The following AADACL4 variants were observed in gnomAD, a reference collection of about 807,000 sequenced individuals.
AADACL4 encodes the protein arylacetamide deacetylase like 4.
A neutral mutation model predicts 14.1 loss-of-function variants in AADACL4; 9 were observed. The observed-to-expected ratio is 0.64, with a 90% CI of 0.39 to 1.12. The LOEUF is 1.12. Ranked by LOEUF, AADACL4 falls within the 50% of genes most tolerant of loss-of-function variation. The pLI is 0.01. For missense variants in AADACL4, 531 were observed against 516.1 expected, an observed-to-expected ratio of 1.03 and a Z score of -0.28; for synonymous variants, 188 against 201.6, an observed-to-expected ratio of 0.93 and a Z score of 0.57.
intron 2 of AADACL4, among the ~76,000 whole-genome samples, chr1:12,657,140 C>CAAAAAAAAAAAAA: frequency 2.0e-5 from 1 of 51,122 alleles, no homozygotes; most frequent in Non-Finnish European, 4.3e-5. Context: ...AAGACTGTCT[C>CAAAAAAAAAAAAA]AAAAAAAAAA....
rs1305803933 is a variant in AADACL4 at position 12,651,150 on chromosome 1, T to C, written c.196T>C (p.Cys66Arg). ...GAATATATTTGAGAAGCTGGGAATT[T>C]GCTCCATGCCCAAATTTATTCGTTT... Reference protein sequence around the residue: ...LGNIFEKLGICSMPKFIRFLH... With the variant: ...LGNIFEKLGIRSMPKFIRFLH... The change falls in exon 2 of 4, where the codon TGC (cysteine) becomes CGC (arginine). Residue 66 changes from cysteine (C) to arginine (R), a missense_variant. Cys to Arg is a radical substitution (Grantham distance 180, BLOSUM62 -3). Coordinates refer to ENST00000376221, the MANE Select transcript of AADACL4 (RefSeq NM_001013630.2). 3.1e-6 allele frequency: 5 copies of C among 1,614,250 alleles called. No homozygotes were observed. The highest frequency in any genetic ancestry group is 1.1e-5 in the South Asian group (1 of 91,084).
At chr1:12,645,990 T>C (rs1436088319) in intron 1 of AADACL4, among the ~76,000 whole-genome samples, 1 of 152,184 alleles carries the variant, frequency 6.6e-6, no homozygotes, top group Middle Eastern at 3.2e-3. Context: ...GAGCAGGGCT[T>C]GGGGATTGGG....
At position 12,644,634 on chromosome 1, in the gene AADACL4, A is replaced by T; in HGVS notation, c.88A>T (p.Thr30Ser). 3.7e-6 allele frequency: 6 copies of T among 1,614,080 alleles called. No homozygotes were observed. The highest frequency in any genetic ancestry group is 4.2e-6 in the Non-Finnish European group (5 of 1,180,016). ...CTGGGCTGTCTTTGAGCACTTCCTC[A>T]CCACGGATATCCCTGCTACCTTGCA... ...FVWAVFEHFLTTDIPATLQHP... is the reference protein window; with the variant it reads ...FVWAVFEHFLSTDIPATLQHP... Residue 30 changes from threonine to serine, a missense_variant, in exon 1 of 4, where the codon ACC (threonine) becomes TCC (serine). Thr to Ser is a moderately conservative substitution (Grantham distance 58). Coordinates refer to ENST00000376221, the MANE Select transcript of AADACL4 (RefSeq NM_001013630.2).
chr1:12,658,139 C>CCTTCCTTTCTTTCTTTCTTT (rs1439797569), intron 2 of AADACL4, among the ~76,000 whole-genome samples: 1 of 84,858 alleles, frequency 1.2e-5, no homozygotes, highest in Admixed American at 1.2e-4. Flanking sequence ...TTCCTTCCTT[C>CCTTCCTTTCTTTCTTTCTTT]CTTTCTTTCT....
chr1:12,651,044 C>G, intron 1 of AADACL4, 79 bp from the exon 2 acceptor site: 4 of 1,392,192 alleles, frequency 2.9e-6, no homozygotes, highest in Non-Finnish European at 3.0e-6. Flanking sequence ...AACATCCTAA[C>G]AATTCTAAGT....
intron 3 of AADACL4, among the ~76,000 whole-genome samples, chr1:12,662,796 G>A (rs1647250357): frequency 6.6e-6 from 1 of 152,220 alleles, no homozygotes; most frequent in South Asian, 2.1e-4. Context: ...TCTCTGATGA[G>A]ATTGAGGAAG....
intron 2 of AADACL4, among the ~76,000 whole-genome samples, chr1:12,658,170 C>CTTTATT (rs1376608451): frequency 9.9e-6 from 1 of 100,896 alleles, no homozygotes; most frequent in African/African-American, 5.6e-5. Context: ...CTTTCTTTTT[C>CTTTATT]TCTTTCTCTC....
At chr1:12,650,488 A>G (rs973161385) in intron 1 of AADACL4, among the ~76,000 whole-genome samples, 7 of 151,768 alleles carry the variant, frequency 4.6e-5, no homozygotes, top group Admixed American at 2.0e-4. Flanking sequence ...ACAGAGCTAT[A>G]GAGAGGGAAG....
At chr1:12,649,706 ACT>A (rs1647133859) in intron 1 of AADACL4, among the ~76,000 whole-genome samples, 1 of 152,022 alleles carries the variant, frequency 6.6e-6, no homozygotes, top group Non-Finnish European at 1.5e-5. Flanking sequence ...CTGGGGAGAC[ACT>A]CTATGTAGGT....
chr1:12,665,031 C>T lies in AADACL4; in HGVS notation c.450-930C>T, dbSNP rs115643895. Among the ~76,000 whole-genome samples, 151 of 152,172 alleles carry T rather than the reference C, an allele frequency of 9.9e-4. 1 individual carries two copies. The highest frequency in any genetic ancestry group is 3.6e-3 in the African/African-American group (148 of 41,528). Reference sequence around the variant, plus strand: ...TTTCCAGGCTAGCTTTCCGTCTCTACATTACACCTTCAGAACACTCCCTGC... The same window carrying T: ...TTTCCAGGCTAGCTTTCCGTCTCTATATTACACCTTCAGAACACTCCCTGC... On this transcript the variant is annotated intron_variant, in intron 3 of 3. Transcript: ENST00000376221.
At chr1:12,659,408 G>A (rs773286337) in intron 2 of AADACL4, among the ~76,000 whole-genome samples, 27 of 152,266 alleles carry the variant, frequency 1.8e-4, no homozygotes, top group Non-Finnish European at 3.7e-4. Context: ...TTTGGAAGCC[G>A]GAAAAGAGCC....
intron 1 of AADACL4, among the ~76,000 whole-genome samples, 163 bp from the exon 2 acceptor site, chr1:12,650,960 C>T (rs890519803): frequency 6.6e-6 from 1 of 152,182 alleles, no homozygotes; most frequent in African/African-American, 2.4e-5. Context: ...AGCCCTCTAC[C>T]TGGACACAGT....
chr1:12,654,649 A>G (rs1647169848), intron 2 of AADACL4, among the ~76,000 whole-genome samples: 2 of 152,198 alleles, frequency 1.3e-5, no homozygotes, highest in African/African-American at 2.4e-5. Flanking sequence ...TTTTAGTTAT[A>G]ATAGCCACAA....
chr1:12,659,935 C>T (rs1647213754), intron 2 of AADACL4, among the ~76,000 whole-genome samples: 1 of 152,208 alleles, frequency 6.6e-6, no homozygotes, highest in Non-Finnish European at 1.5e-5. Context: ...CCTCCTGCCT[C>T]AGCCTCCTGA....
chr1:12,646,834 C>A (rs1348652172), intron 1 of AADACL4, among the ~76,000 whole-genome samples: 1 of 152,156 alleles, frequency 6.6e-6, no homozygotes, highest in Non-Finnish European at 1.5e-5. Flanking sequence ...TCCCAGGGCA[C>A]ACTGCCCATC....
chr1:12,647,794 T>C (rs547480826), intron 1 of AADACL4, among the ~76,000 whole-genome samples: 1 of 152,202 alleles, frequency 6.6e-6, no homozygotes, highest in East Asian at 1.9e-4. Flanking sequence ...TAGCTAAGAC[T>C]ATAGGCGCCT....
intron 2 of AADACL4, among the ~76,000 whole-genome samples, chr1:12,657,922 T>C (rs1040554933): frequency 1.3e-5 from 2 of 152,198 alleles, no homozygotes; most frequent in East Asian, 3.9e-4. Flanking sequence ...CTCTAGCTTC[T>C]GCAGCCATTT....
chr1:12,649,534 C>T (rs1323537376), intron 1 of AADACL4, among the ~76,000 whole-genome samples: 2 of 152,180 alleles, frequency 1.3e-5, no homozygotes, highest in African/African-American at 4.8e-5. Context: ...CAGATCAACT[C>T]ATTCTCCTCC....
chr1:12,665,461 G>A (rs183340024), intron 3 of AADACL4, among the ~76,000 whole-genome samples: 244 of 152,176 alleles, frequency 1.6e-3, no homozygotes, highest in African/African-American at 5.1e-3. Flanking sequence ...TCCTGACCTC[G>A]TGATCCACCC....
Sources: allele counts gnomAD v4.1 joint callset (sites outside exome capture counted in the v4.1 genomes callset), GRCh38; gene constraint gnomAD v4.1.1; transcripts MANE v1.5; gene names NCBI Gene and HGNC (gene_info 2026-07-23, HGNC 2026-07-21).